The following FGF12 variants were observed in gnomAD, a reference collection of about 807,000 sequenced individuals.
FGF12 encodes the protein fibroblast growth factor 12, also known as fibroblast growth factor 12B.
In FGF12, 14 loss-of-function variants were observed where a neutral mutation model predicts 23.6. The ratio of observed to expected loss-of-function variants is 0.59; its 90% CI spans 0.39 to 0.93. The LOEUF is 0.93. FGF12 is among the 40% of genes least tolerant of loss of function. The pLI, the probability that FGF12 is intolerant of heterozygous loss-of-function variation, is 0.00. For synonymous variants in FGF12, 62 were observed against 77.3 expected, an observed-to-expected ratio of 0.80 and a Z score of 1.04; for missense variants, 175 against 217.8, an observed-to-expected ratio of 0.80 and a Z score of 1.24.
chr3:192,228,694 T>C (rs563935381), intron 4 of FGF12, among the ~76,000 whole-genome samples: 1 of 152,202 alleles, frequency 6.6e-6, no homozygotes, highest in East Asian at 1.9e-4. Context: ...ATACTCAGAA[T>C]TGAATGTCAT....
chr3:192,362,199 G>A (rs964914678), intron 2 of FGF12, among the ~76,000 whole-genome samples: 2 of 152,040 alleles, frequency 1.3e-5, no homozygotes, highest in African/African-American at 4.8e-5. Flanking sequence ...ACAAGTCAGG[G>A]ACACACTTGG....
At chr3:192,587,118 C>A (rs968936029) in intron 2 of FGF12, among the ~76,000 whole-genome samples, 1 of 147,926 alleles carries the variant, frequency 6.8e-6, no homozygotes, top group African/African-American at 2.4e-5. Flanking sequence ...GCCAGCAAGG[C>A]ATTTGAAGGG....
intron 2 of FGF12, among the ~76,000 whole-genome samples, chr3:192,525,620 C>A (rs984217671): frequency 6.6e-6 from 1 of 152,166 alleles, no homozygotes; most frequent in African/African-American, 2.4e-5. Context: ...AAACTTAAGT[C>A]CCTAAAGAAT....
At chr3:192,496,870 G>A (rs751882750) in intron 2 of FGF12, among the ~76,000 whole-genome samples, 3 of 152,092 alleles carry the variant, frequency 2.0e-5, no homozygotes, top group African/African-American at 4.8e-5. Context: ...TACTCCTTCT[G>A]GGTTTTTGGT....
intron 2 of FGF12, among the ~76,000 whole-genome samples, chr3:192,546,166 G>C (rs780384326): frequency 3.9e-5 from 6 of 152,122 alleles, no homozygotes; most frequent in Non-Finnish European, 8.8e-5. Flanking sequence ...TGTCATCTTA[G>C]ACAATTTACA....
At chr3:192,607,010 AACACACACGCAGGTAC>A (rs1028693229) in intron 2 of FGF12, among the ~76,000 whole-genome samples, 4 of 151,932 alleles carry the variant, frequency 2.6e-5, no homozygotes, top group Admixed American at 6.6e-5. Flanking sequence ...CCCCTCCCCC[AACACACACGCAGGTAC>A]ACACACACGC....
intron 2 of FGF12, among the ~76,000 whole-genome samples, chr3:192,533,738 A>G (rs2108852453): frequency 6.6e-6 from 1 of 152,314 alleles, no homozygotes; most frequent in Admixed American, 6.5e-5. Context: ...TCCAAACATC[A>G]GAAGCGACCC....
At chr3:192,439,705 G>A (rs1320607466) in intron 2 of FGF12, among the ~76,000 whole-genome samples, 3 of 152,142 alleles carry the variant, frequency 2.0e-5, no homozygotes, top group African/African-American at 4.8e-5. Context: ...GGCCAGGCGT[G>A]GTGGCTCACG....
chr3:192,476,699 A>T, intron 2 of FGF12, among the ~76,000 whole-genome samples: 1 of 152,222 alleles, frequency 6.6e-6, no homozygotes, highest in East Asian at 1.9e-4. Flanking sequence ...GACACTGAGG[A>T]TCAGAGAAGT....
intron 2 of FGF12, among the ~76,000 whole-genome samples, chr3:192,575,197 AAG>A (rs1467094334): frequency 6.6e-6 from 1 of 152,238 alleles, no homozygotes; most frequent in African/African-American, 2.4e-5. Context: ...AGAGGAGGCA[AAG>A]AGAGAAAGAG....
rs148468634 is a variant in FGF12, at chr3:192,311,767, G to C, written c.228+23594C>G. 1.2e-4 allele frequency among the ~76,000 whole-genome samples: 19 copies of C among 152,302 alleles called. No homozygotes were observed. The East Asian group carries it at 3.3e-3, about 26-fold the overall frequency. ...GCACCATTTTACATTCTCACTAGCA[G>C]TGTATAAGAGTTCCCATTTCTCACC... On this transcript the variant is annotated intron_variant, in intron 4 of 5. Transcript: ENST00000445105.
At chr3:192,261,409 A>G (rs975774529) in intron 4 of FGF12, among the ~76,000 whole-genome samples, 2 of 152,190 alleles carry the variant, frequency 1.3e-5, no homozygotes, top group Admixed American at 6.5e-5. Flanking sequence ...CTAATGCTAT[A>G]CTTCCGTTTC....
chr3:192,697,757 A>T (rs1394834), intron 2 of FGF12, among the ~76,000 whole-genome samples: 69,800 of 151,940 alleles, frequency 0.46, 16,581 homozygotes, highest in East Asian at 0.62. Context: ...GGCTTCCTTG[A>T]TGCTTTGCAA....
chr3:192,327,669 C>T (rs1336079323), intron 4 of FGF12, among the ~76,000 whole-genome samples: 2 of 151,744 alleles, frequency 1.3e-5, no homozygotes, highest in South Asian at 4.2e-4. Context: ...CAATGTTTGC[C>T]TAGTTATGCG....
Position 192,594,119 on chromosome 3 carries a change from C to A in FGF12, c.13+133062G>T, listed in dbSNP as rs1577070008. ...CTGGTAAGGACATTTGAACAGGAGACTGCCTATTTTCAAAAGTTGGATAAC... is the reference window on the plus strand; with the variant it reads ...CTGGTAAGGACATTTGAACAGGAGAATGCCTATTTTCAAAAGTTGGATAAC... On this transcript the variant is annotated intron_variant, in intron 2 of 5. Coordinates refer to ENST00000445105, the MANE Select transcript of FGF12 (RefSeq NM_004113.6). 2.0e-5 allele frequency among the ~76,000 whole-genome samples: 3 copies of A among 152,024 alleles called. No homozygotes were observed. In the East Asian group the frequency reaches 5.8e-4, roughly 29 times the overall value.
At chr3:192,158,500 C>T (rs375570096) in intron 5 of FGF12, among the ~76,000 whole-genome samples, 2 of 149,242 alleles carry the variant, frequency 1.3e-5, no homozygotes, top group African/African-American at 4.9e-5. Context: ...CTTCCTCTCT[C>T]TTTCCTTTTT....
At chr3:192,363,448 C>G (rs908845697) in intron 2 of FGF12, among the ~76,000 whole-genome samples, 3 of 152,130 alleles carry the variant, frequency 2.0e-5, no homozygotes, top group African/African-American at 7.2e-5. Flanking sequence ...GCATCAGACT[C>G]TGAGCACCCA....
intron 2 of FGF12, among the ~76,000 whole-genome samples, chr3:192,667,123 G>GCTAA (rs1384646144): frequency 1.3e-5 from 2 of 152,182 alleles, no homozygotes; most frequent in African/African-American, 4.8e-5. Flanking sequence ...AATGCACTCT[G>GCTAA]CTAAGTGCTG....
chr3:192,550,381 T>C lies in FGF12; in HGVS notation c.13+176800A>G, dbSNP rs75184296. The stretch of plus-strand genomic sequence containing the variant: ...ATAGATTATATGTGTGTATACATAA[T>C]ATATAATGTAATTACATATATTACA... On this transcript the variant is annotated intron_variant, in intron 2 of 5. Transcript: ENST00000445105. Among the ~76,000 whole-genome samples the C allele has an allele frequency of 9.2e-3, 1,372 of 149,690 alleles. 25 individuals carry two copies. The highest frequency in any genetic ancestry group is 0.032 in the African/African-American group (1,309 of 41,046).
Sources: allele counts gnomAD v4.1 joint callset (sites outside exome capture counted in the v4.1 genomes callset), GRCh38; gene constraint gnomAD v4.1.1; transcripts MANE v1.5; gene names NCBI Gene and HGNC (gene_info 2026-07-23, HGNC 2026-07-21).